Variants in LSG1 observed in about 807,000 individuals in gnomAD.
LSG1 encodes the protein large 60S subunit nuclear export GTPase 1, also known as large subunit GTPase 1 homolog.
In LSG1, 55 loss-of-function variants were observed where a neutral mutation model predicts 82.6. The observed-to-expected ratio is 0.67, with a 90% CI of 0.54 to 0.83. LSG1 has a LOEUF of 0.83. LSG1 is among the 40% of genes least tolerant of loss of function. The pLI is 0.00. For missense variants in LSG1, 809 were observed against 807.9 expected (o/e 1.00, Z -0.02); for synonymous variants, 272 against 282.5 (o/e 0.96, Z 0.37).
chr3:194,664,995 A>G (rs1773167), intron 5 of LSG1, among the ~76,000 whole-genome samples: 98,063 of 151,908 alleles, frequency 0.65, 32,376 homozygotes, highest in East Asian at 0.87. Context: ...CTTATCAACC[A>G]CTCCTTCCTC....
At chr3:194,666,097 C>T in intron 4 of LSG1, 106 bp downstream of exon 4, 1 of 987,084 alleles carries the variant, frequency 1.0e-6, no homozygotes, top group South Asian at 1.4e-5. Flanking sequence ...CTACCATTTC[C>T]TTCTTAAAAG....
At chr3:194,642,824 T>C (rs994540701) in intron 13 of LSG1, among the ~76,000 whole-genome samples, 7 of 152,170 alleles carry the variant, frequency 4.6e-5, no homozygotes, top group Non-Finnish European at 7.3e-5. Flanking sequence ...TGTTGGTAAA[T>C]TTTCTTCCAA....
At chr3:194,663,990 G>A (rs1416295923) in intron 5 of LSG1, among the ~76,000 whole-genome samples, 1 of 151,596 alleles carries the variant, frequency 6.6e-6, no homozygotes, top group African/African-American at 2.4e-5. Flanking sequence ...TCTTTTTTTT[G>A]GAGACAGAGT....
Position 194,652,873 on chromosome 3 carries a change from A to T in LSG1, c.1029T>A (p.Asp343Glu), listed in dbSNP as rs776799920. ...GGGTTTTCCTGCTCCGAGCCTCAGA[A>T]TCTGCAGTAGAGCTTTCCTTCCAGT... is the stretch of plus-strand genomic sequence containing the variant. ...SQDWKESSTA[D>E]SEARSRKTPQ... The change falls in exon 8 of 14, where the codon GAT becomes GAA. Residue 343 changes from aspartate (D) to glutamate (E), a missense_variant. Physicochemically the swap from Asp to Glu is conservative, Grantham distance 45. Transcript: ENST00000265245. The T allele has an allele frequency of 6.2e-7, 1 of 1,614,090 alleles. No homozygotes were observed. The highest frequency in any genetic ancestry group is 8.5e-7 in the Non-Finnish European group (1 of 1,180,042).
chr3:194,642,281 C>T, intron 13 of LSG1, 34 bp from the exon 14 acceptor site: 1 of 1,591,718 alleles, frequency 6.3e-7, no homozygotes, highest in South Asian at 1.1e-5. Flanking sequence ...TCTGAGCTGT[C>T]AGCAGGCTAT....
Position 194,666,548 on chromosome 3 carries a change from G to A in LSG1, c.251C>T (p.Pro84Leu). 6.2e-7 allele frequency: 1 copy of A among 1,612,022 alleles called. No individual in the cohort carries two copies. Among genetic ancestry groups the A allele is most frequent in the Non-Finnish European group, 8.5e-7 (1 of 1,178,856 alleles). Residue 84 changes from proline (P) to leucine (L), a missense_variant, in exon 3 of 14, where the codon CCT (proline) becomes CTT (leucine). Coordinates refer to ENST00000265245, the MANE Select transcript of LSG1 (RefSeq NM_018385.3). ...CAGTAGTCCAGTTCTAGCCTCAGCAGGCACAAACTTAATATTAAGTTTCTC... is the reference window on the plus strand; with the variant it reads ...CAGTAGTCCAGTTCTAGCCTCAGCAAGCACAAACTTAATATTAAGTTTCTC... ...VAEKLNIKFV[P>L]AEARTGLLSF... is the part of the protein sequence containing the mutation.
intron 7 of LSG1, among the ~76,000 whole-genome samples, chr3:194,653,789 G>A (rs570492057): frequency 5.3e-5 from 8 of 152,184 alleles, no homozygotes; most frequent in African/African-American, 1.7e-4. Context: ...TAATCCCAGC[G>A]CTTGGGTGGC....
rs201702155 is a variant in LSG1 at position 194,652,794 on chromosome 3, G to A, written c.1108C>T (p.Leu370=). 5 of 1,614,158 alleles carry A rather than the reference G, an allele frequency of 3.1e-6. No individual in the cohort carries two copies. In the East Asian group the frequency reaches 1.1e-4, roughly 36 times the overall value. The change falls in exon 8 of 14, where the codon CTG becomes TTG. Residue 370 remains leucine, a synonymous_variant. Coordinates refer to ENST00000265245, the MANE Select transcript of LSG1 (RefSeq NM_018385.3). The stretch of plus-strand genomic sequence containing the variant: ...GTGTGTAGCTCCTTAAAGAGCTCCA[G>A]TAACTCCTGCTTGGATACCAGATGG... ...FSHLVSKQEL[L]ELFKELHTGR...
intron 8 of LSG1, 171 bp from the exon 9 acceptor site, chr3:194,651,387 A>G (rs1718671465): frequency 1.7e-6 from 1 of 600,388 alleles, no homozygotes; most frequent in South Asian, 2.0e-5. Flanking sequence ...TGGTGTGGGT[A>G]TATTTATTCA....
intron 1 of LSG1, among the ~76,000 whole-genome samples, chr3:194,670,582 G>A (rs1203511737): frequency 6.6e-6 from 1 of 152,102 alleles, no homozygotes; most frequent in African/African-American, 2.4e-5. Context: ...AAGCATTCAA[G>A]TACCGTTCAG....
In LSG1 at chr3:194,646,190, G is replaced by T; in HGVS notation, c.1597C>A (p.Arg533Ser). Reference sequence around the variant, plus strand: ...CTGACATAGTCCTTCAGGATGTAGCGCGCAGATCGAGGCTGGTCTGGCTGT... The same window carrying T: ...CTGACATAGTCCTTCAGGATGTAGCTCGCAGATCGAGGCTGGTCTGGCTGT... ...HGQPDQPRSA[R>S]YILKDYVSGK... Residue 533 changes from arginine to serine, a missense_variant, in exon 12 of 14, where the codon CGC becomes AGC. By Grantham distance (110) the Arg-to-Ser change is moderately radical. Coordinates refer to ENST00000265245, the MANE Select transcript of LSG1 (RefSeq NM_018385.3). 1 of 1,614,072 alleles carries T rather than the reference G, an allele frequency of 6.2e-7. No homozygotes were observed. The highest frequency in any genetic ancestry group is 1.1e-5 in the South Asian group (1 of 91,080).
At chr3:194,650,681 C>T (rs1577253096) in intron 10 of LSG1, 200 bp downstream of exon 10, 1 of 457,404 alleles carries the variant, frequency 2.2e-6, no homozygotes, top group Admixed American at 4.1e-5. Context: ...TGGATTCTCC[C>T]ATTTCTTCAA....
rs772885233 is a variant in LSG1 at position 194,659,176 on chromosome 3, T to G, written c.583-43A>C. On this transcript the variant is annotated intron_variant, in intron 6 of 13. Coordinates refer to ENST00000265245, the MANE Select transcript of LSG1 (RefSeq NM_018385.3). ...ATTTAGAAAGACCTCTTCAAACAAG[T>G]AAAAAAATGAGGCTAATTATATTAA... is the stretch of plus-strand genomic sequence containing the variant. 2.0e-5 allele frequency: 30 copies of G among 1,469,334 alleles called. 1 individual carries two copies. The highest frequency in any genetic ancestry group is 3.7e-5 in the South Asian group (3 of 81,932). The allele number at this position is 1,469,334 out of a possible 1,614,324, so 91.0% of individuals were successfully genotyped here.
intron 2 of LSG1, among the ~76,000 whole-genome samples, chr3:194,669,044 G>A (rs1185634669): frequency 6.6e-6 from 1 of 152,138 alleles, no homozygotes; most frequent in East Asian, 1.9e-4. Flanking sequence ...TAGGGAGTGG[G>A]GCAAATAGGA....
Position 194,672,129 on chromosome 3 carries a change from G to C in LSG1, c.34C>G (p.Leu12Val). The change falls in exon 1 of 14, where the codon CTG (leucine) becomes GTG (valine). Residue 12 changes from leucine to valine, a missense_variant. Leu to Val is a conservative substitution (Grantham distance 32). Transcript: ENST00000265245. ...GRRRAPAGGS[L>V]GRALMRHQTQ... Reference sequence around the variant, plus strand: ...TGATGGCGCATAAGGGCCCGTCCCAGCGACCCACCGGCCGGGGCTCTCCTC... The same window carrying C: ...TGATGGCGCATAAGGGCCCGTCCCACCGACCCACCGGCCGGGGCTCTCCTC... 1 of 1,606,894 alleles carries C rather than the reference G, an allele frequency of 6.2e-7. No homozygotes were observed. The highest frequency in any genetic ancestry group is 8.5e-7 in the Non-Finnish European group (1 of 1,179,988).
chr3:194,650,827 T>C, intron 10 of LSG1, 54 bp downstream of exon 10: 6 of 1,541,824 alleles, frequency 3.9e-6, no homozygotes, highest in Non-Finnish European at 5.3e-6. Flanking sequence ...AAAATAAACC[T>C]GAAGCCCTAA....
In LSG1 at chr3:194,642,089, G is replaced by C. The variant is rs1314323374; in HGVS notation, c.1956C>G (p.Leu652=). The change falls in exon 14 of 14, where the codon CTC becomes CTG. Residue 652 remains leucine (L), a synonymous_variant. Coordinates refer to ENST00000265245, the MANE Select transcript of LSG1 (RefSeq NM_018385.3). ...AACCTCACATATCCAGGTGCTTGTA[G>C]AGTCTACGACTTTTTTCTTTTTTAT... The part of the protein sequence containing the change: ...NRNKKEKSRR[L]YKHLDM 2 of 1,612,634 alleles carry C rather than the reference G, an allele frequency of 1.2e-6. No individual in the cohort carries two copies. Among genetic ancestry groups the C allele is most frequent in the East Asian group, 2.2e-5 (1 of 44,884 alleles).
At chr3:194,649,539 AT>A (rs1235056653) in intron 10 of LSG1, among the ~76,000 whole-genome samples, 1 of 149,070 alleles carries the variant, frequency 6.7e-6, no homozygotes, top group African/African-American at 2.5e-5. Flanking sequence ...AAAAAAAAAA[AT>A]TAACTGGGCA....
In LSG1 at chr3:194,659,056, C is replaced by T; in HGVS notation, c.660G>A (p.Glu220=). Reference sequence around the variant, plus strand: ...AGTACATGGCCCAGGCACTCCGCTGCTCAGCAGTCAGCAAGTCTGCCTTGT... The same window carrying T: ...AGTACATGGCCCAGGCACTCCGCTGTTCAGCAGTCAGCAAGTCTGCCTTGT... ...LINKADLLTA[E]QRSAWAMYFE... The change falls in exon 7 of 14, where the codon GAG becomes GAA. Residue 220 remains glutamate, a synonymous_variant. Transcript: ENST00000265245. 6.2e-7 allele frequency: 1 copy of T among 1,614,198 alleles called. No homozygotes were observed. Among genetic ancestry groups the T allele is most frequent in the Non-Finnish European group, 8.5e-7 (1 of 1,180,018 alleles).
Sources: gnomAD v4.1 joint callset for allele counts (sites outside exome capture counted in the v4.1 genomes callset) on GRCh38, gnomAD v4.1.1 for gene constraint, MANE v1.5 for transcripts, NCBI Gene and HGNC (gene_info 2026-07-23, HGNC 2026-07-21) for gene names.